The following TSHZ2 variants were observed in gnomAD, a reference collection of about 807,000 sequenced individuals.
The protein encoded by TSHZ2 is teashirt zinc finger homeobox 2, also known as teashirt homolog 2.
Under a neutral mutation model 74.4 loss-of-function variants are expected in TSHZ2, and 21 were observed. That is an observed-to-expected ratio of 0.28 (90% confidence interval 0.20 to 0.41). The LOEUF is 0.41. TSHZ2 is among the 10% of genes least tolerant of loss of function. The probability of loss-of-function intolerance (pLI) is 1.00; values close to 1 mark genes in which losing one functional copy is unlikely to be tolerated. For missense variants in TSHZ2, 1,244 were observed against 1,293.5 expected, an observed-to-expected ratio of 0.96 and a Z score of 0.59; for synonymous variants, 540 against 515.3, an observed-to-expected ratio of 1.05 and a Z score of -0.65.
In TSHZ2 at chr20:53,394,859, CAAAAAAA is replaced by C. The variant is rs1005992034; in HGVS notation, c.*9-92264_*9-92258del. On this transcript the variant is annotated intron_variant, in intron 2 of 2. Coordinates refer to ENST00000371497, the MANE Select transcript of TSHZ2 (RefSeq NM_173485.6). ...ATCCCACCTGTCCCCCAGAACTCAC[CAAAAAAA>C]AAAAAAAAAAAAAAAAAAAAGATCC... is the stretch of plus-strand genomic sequence containing the variant. Among the ~76,000 whole-genome samples, 398 of 44,122 alleles carry C rather than the reference CAAAAAAA, an allele frequency of 9.0e-3. 2 individuals are homozygous for C. Among genetic ancestry groups the C allele is most frequent in the African/African-American group, 0.03 (383 of 12,934 alleles). 28.9% of individuals were successfully genotyped at this position (44,122 alleles called of 152,430 possible). A position where few individuals can be genotyped will look rare whatever the true frequency, so the allele number is the denominator to read the frequency against.
At chr20:53,317,689 G>A (rs370213095) in intron 2 of TSHZ2, among the ~76,000 whole-genome samples, 278 of 152,300 alleles carry the variant, frequency 1.8e-3, no homozygotes, top group Non-Finnish European at 2.4e-3. Context: ...AAGAGTGTCG[G>A]CGTGAATTGT....
At chr20:53,023,180 C>T (rs1305310346) in intron 1 of TSHZ2, among the ~76,000 whole-genome samples, 1 of 152,210 alleles carries the variant, frequency 6.6e-6, no homozygotes, top group East Asian at 1.9e-4. Flanking sequence ...AGCATTGCTA[C>T]ATTTTTTGGG....
intron 2 of TSHZ2, among the ~76,000 whole-genome samples, chr20:53,304,944 T>G (rs1978464710): frequency 6.7e-6 from 1 of 149,050 alleles, no homozygotes; most frequent in South Asian, 2.1e-4. Context: ...TGAACTTTTT[T>G]TTTTTTTTTG....
intron 2 of TSHZ2, among the ~76,000 whole-genome samples, chr20:53,333,508 T>G (rs1397554878): frequency 6.6e-6 from 1 of 151,454 alleles, no homozygotes; most frequent in Non-Finnish European, 1.5e-5. Context: ...CAGGCTGGAG[T>G]GCAGTGGCAC....
chr20:53,291,069 T>C (rs1383382400), intron 2 of TSHZ2, among the ~76,000 whole-genome samples: 2 of 152,114 alleles, frequency 1.3e-5, no homozygotes, highest in East Asian at 1.9e-4. Flanking sequence ...GATGTGAGCG[T>C]AGGGGAGAAA....
chr20:53,010,504 A>T (rs975091513), intron 1 of TSHZ2, among the ~76,000 whole-genome samples: 1 of 152,126 alleles, frequency 6.6e-6, no homozygotes, highest in African/African-American at 2.4e-5. Context: ...CTCTGGTCGG[A>T]TTTTATGTGT....
chr20:53,206,906 C>T (rs77777568), intron 1 of TSHZ2, among the ~76,000 whole-genome samples: 2,009 of 152,258 alleles, frequency 0.013, 46 homozygotes, highest in African/African-American at 0.046. Flanking sequence ...TGCTCCCATC[C>T]ACCTGGTGCT....
intron 1 of TSHZ2, among the ~76,000 whole-genome samples, chr20:53,206,016 T>C (rs2247630): frequency 0.98 from 148,864 of 152,270 alleles, 72,783 homozygotes; most frequent in East Asian, 1. Context: ...GTCAGGAGTT[T>C]GAGACCAGCC....
intron 1 of TSHZ2, among the ~76,000 whole-genome samples, chr20:53,216,237 T>G (rs1293364): frequency 0.69 from 105,068 of 152,148 alleles, 37,669 homozygotes; most frequent in East Asian, 0.92. Flanking sequence ...ACCTTGCAAT[T>G]GCTGGTCCTG....
intron 1 of TSHZ2, among the ~76,000 whole-genome samples, chr20:53,174,426 C>T (rs1336084410): frequency 6.6e-6 from 1 of 152,226 alleles, no homozygotes; most frequent in Admixed American, 6.5e-5. Flanking sequence ...AGCAACCCTT[C>T]ATAGGCCATG....
intron 2 of TSHZ2, among the ~76,000 whole-genome samples, chr20:53,449,734 T>C (rs78996389): frequency 2.8e-5 from 4 of 141,654 alleles, no homozygotes; most frequent in African/African-American, 1.1e-4. Context: ...GTTAATTAAT[T>C]ATTCATTTAT....
intron 2 of TSHZ2, among the ~76,000 whole-genome samples, chr20:53,277,709 G>A (rs1480783363): frequency 6.6e-6 from 1 of 152,150 alleles, no homozygotes; most frequent in Non-Finnish European, 1.5e-5. Context: ...AAGAAAATAT[G>A]GACATTTGGT....
At chr20:53,247,829 GT>G (rs2123708436) in intron 1 of TSHZ2, among the ~76,000 whole-genome samples, 1 of 152,260 alleles carries the variant, frequency 6.6e-6, no homozygotes, top group South Asian at 2.1e-4. Context: ...GCCTTCTTGA[GT>G]TTTAAATTGT....
intron 1 of TSHZ2, among the ~76,000 whole-genome samples, chr20:53,001,037 C>T (rs1441608181): frequency 6.6e-6 from 1 of 152,046 alleles, no homozygotes; most frequent in Non-Finnish European, 1.5e-5. Context: ...AGGGGGACAG[C>T]CATCTGATAA....
At chr20:53,291,021 C>T (rs1288509957) in intron 2 of TSHZ2, among the ~76,000 whole-genome samples, 3 of 152,066 alleles carry the variant, frequency 2.0e-5, no homozygotes, top group Admixed American at 6.6e-5. Context: ...AAAAATTTGC[C>T]GACCCATGGC....
At chr20:53,285,686 G>C (rs1991150545) in intron 2 of TSHZ2, among the ~76,000 whole-genome samples, 1 of 151,628 alleles carries the variant, frequency 6.6e-6, no homozygotes, top group Admixed American at 6.6e-5. Flanking sequence ...TTTCAGCCTG[G>C]GGCCGCAGAG....
In TSHZ2 at chr20:53,074,410, G is replaced by C. The variant is rs1325643582; in HGVS notation, c.40+101077G>C. 2.6e-5 allele frequency among the ~76,000 whole-genome samples: 4 copies of C among 152,140 alleles called. No homozygotes were observed. Among genetic ancestry groups the C allele is most frequent in the Admixed American group, 1.3e-4 (2 of 15,278 alleles). On this transcript the variant is annotated intron_variant, in intron 1 of 2. Transcript: ENST00000371497. The surrounding 1 kb of genome is among the most constrained non-coding windows in gnomAD (Gnocchi z 5.9). ...CTTACAGTGCCTCAATTGCTCACCA[G>C]GAAGTGGGCTGGCCAGAATACAAGT... is the stretch of plus-strand genomic sequence containing the variant.
chr20:53,374,422 TA>T (rs1211448062), intron 2 of TSHZ2, among the ~76,000 whole-genome samples: 1 of 152,246 alleles, frequency 6.6e-6, no homozygotes, highest in Admixed American at 6.5e-5. Flanking sequence ...CCCATGTCTT[TA>T]CCATTGTGAA....
chr20:53,077,477 A>G (rs1455363560), intron 1 of TSHZ2, among the ~76,000 whole-genome samples: 2 of 151,778 alleles, frequency 1.3e-5, no homozygotes, highest in Non-Finnish European at 2.9e-5. Context: ...AGAGTGAATT[A>G]GTTTTGTTTG....
Sources: allele counts gnomAD v4.1 joint callset (sites outside exome capture counted in the v4.1 genomes callset), GRCh38; gene constraint gnomAD v4.1.1; non-coding constraint Gnocchi (gnomAD v3.1); transcripts MANE v1.5; gene names NCBI Gene and HGNC (gene_info 2026-07-23, HGNC 2026-07-21).